The following OPN3 variants were observed in gnomAD, a reference collection of about 807,000 sequenced individuals.
The protein encoded by OPN3 is opsin 3.
Under a neutral mutation model 33.8 loss-of-function variants are expected in OPN3, and 29 were observed. That is an observed-to-expected ratio of 0.86 (90% CI 0.64 to 1.17). OPN3 has a LOEUF of 1.17. OPN3 is among the 50% of genes most tolerant of loss of function. The pLI, the probability that OPN3 is intolerant of heterozygous loss-of-function variation, is 0.00. For synonymous variants in OPN3, 216 were observed against 216.1 expected (o/e 1.00, Z 0.00); for missense variants, 437 against 514.1 (o/e 0.85, Z 1.45).
rs1663766766 is a variant in OPN3, at chr1:241,604,425, C to T, written c.528G>A (p.Trp176Ter). Reference sequence around the variant, plus strand: ...CGTGTACGTCCAGGATGTACCTGTTCCATCCCAGGAGAGGTGCTCCTGCCC... The same window carrying T: ...CGTGTACGTCCAGGATGTACCTGTTTCATCCCAGGAGAGGTGCTCCTGCCC... ...LAWAGAPLLG[W>*]NRYILDVHGL... is the part of the protein sequence containing the mutation. The change falls in exon 2 of 4, where the codon TGG becomes TGA. Residue 176 changes from tryptophan (W) to a stop codon, truncating the protein, a stop_gained. Transcript: ENST00000366554. LOFTEE classifies it high-confidence loss of function. The T allele has an allele frequency of 2.5e-6, 4 of 1,614,040 alleles. No individual in the cohort carries two copies. Among genetic ancestry groups the T allele is most frequent in the South Asian group, 1.1e-5 (1 of 91,084 alleles).
At chr1:241,596,427 A>G (rs1279823047) in intron 3 of OPN3, among the ~76,000 whole-genome samples, 1 of 152,208 alleles carries the variant, frequency 6.6e-6, no homozygotes, top group Non-Finnish European at 1.5e-5. Flanking sequence ...AAATAGACCA[A>G]TTGAAGGCAA....
chr1:241,606,586 T>TAAAA (rs1553354184), intron 1 of OPN3, among the ~76,000 whole-genome samples: 6 of 126,870 alleles, frequency 4.7e-5, no homozygotes, highest in South Asian at 2.7e-4. Context: ...AATAAATAAA[T>TAAAA]AAAATAAATA....
At chr1:241,639,815 G>C (rs2148034457) in intron 1 of OPN3, 67 bp downstream of exon 1, 1 of 1,366,640 alleles carries the variant, frequency 7.3e-7, no homozygotes, top group Non-Finnish European at 9.5e-7. Context: ...CGGACGCACG[G>C]AGCGGGCAGC....
At chr1:241,620,187 A>G (rs951566144) in intron 1 of OPN3, among the ~76,000 whole-genome samples, 1 of 152,224 alleles carries the variant, frequency 6.6e-6, no homozygotes, top group Non-Finnish European at 1.5e-5. Flanking sequence ...GTACATGCCT[A>G]GCAATTTCAG....
intron 1 of OPN3, chr1:241,639,288 C>T (rs1443089502): frequency 6.6e-6 from 1 of 152,212 alleles, no homozygotes; most frequent in Non-Finnish European, 1.5e-5. Context: ...AGGGCACATG[C>T]CAATTTGCAT....
Position 241,604,389 on chromosome 1 carries a change from G to A in OPN3, c.564C>T (p.Cys188=), listed in dbSNP as rs2148000908. The A allele has an allele frequency of 6.2e-7, 1 of 1,614,162 alleles. No individual in the cohort carries two copies. The highest frequency in any genetic ancestry group is 8.5e-7 in the Non-Finnish European group (1 of 1,180,026). ...RYILDVHGLG[C]TVDWKSKDAN... is the part of the protein sequence containing the mutation. Reference sequence around the variant, plus strand: ...CATCCTTGGATTTCCAGTCCACAGTGCAGCCTAGTCCGTGTACGTCCAGGA... The same window carrying A: ...CATCCTTGGATTTCCAGTCCACAGTACAGCCTAGTCCGTGTACGTCCAGGA... Residue 188 remains cysteine (C), a synonymous_variant, in exon 2 of 4, where the codon TGC becomes TGT. Transcript: ENST00000366554.
intron 1 of OPN3, chr1:241,632,725 C>CATTCCTA (rs1664693244): frequency 6.6e-6 from 1 of 152,104 alleles, no homozygotes; most frequent in Non-Finnish European, 1.5e-5. Context: ...TCCTTTGATT[C>CATTCCTA]ATTCCTATCA....
At chr1:241,596,960 G>A (rs1663534839) in intron 3 of OPN3, among the ~76,000 whole-genome samples, 1 of 152,036 alleles carries the variant, frequency 6.6e-6, no homozygotes, top group South Asian at 2.1e-4. Flanking sequence ...GAGTAGCTGC[G>A]ACTAAGGCAC....
At chr1:241,637,635 G>T (rs2756226) in intron 1 of OPN3, among the ~76,000 whole-genome samples, 50,479 of 151,926 alleles carry the variant, frequency 0.33, 8,775 homozygotes, top group East Asian at 0.52. Flanking sequence ...CTAAGATCAG[G>T]CACGTTCTAA....
chr1:241,633,340 T>A (rs1342870128), intron 1 of OPN3: 1 of 164,008 alleles, frequency 6.1e-6, no homozygotes. Context: ...ATGCAAAAGA[T>A]CCACATAATT....
chr1:241,639,748 G>T, intron 1 of OPN3, 134 bp downstream of exon 1: 1 of 886,828 alleles, frequency 1.1e-6, no homozygotes, highest in Non-Finnish European at 1.6e-6. Context: ...GGAGCGGGGC[G>T]GTGTAGGGCG....
intron 1 of OPN3, among the ~76,000 whole-genome samples, chr1:241,636,667 T>C (rs1664909913): frequency 6.6e-6 from 1 of 152,180 alleles, no homozygotes; most frequent in Admixed American, 6.5e-5. Context: ...TTTAGGCTCA[T>C]AATAGCCCTG....
intron 1 of OPN3, among the ~76,000 whole-genome samples, chr1:241,624,547 T>A (rs1664360426): frequency 6.6e-6 from 1 of 152,224 alleles, no homozygotes. Context: ...AATATGGTGG[T>A]TAATTGTGCA....
chr1:241,596,297 A>G (rs1216354461), intron 3 of OPN3, among the ~76,000 whole-genome samples: 1 of 152,236 alleles, frequency 6.6e-6, no homozygotes, highest in Non-Finnish European at 1.5e-5. Context: ...AAAAATTCAT[A>G]TGTGTGCATA....
intron 1 of OPN3, among the ~76,000 whole-genome samples, chr1:241,637,631 T>C (rs1664948390): frequency 6.6e-6 from 1 of 152,070 alleles, no homozygotes; most frequent in African/African-American, 2.4e-5. Flanking sequence ...AGCGCTAAGA[T>C]CAGGCACGTT....
In OPN3 at chr1:241,620,108, G is replaced by C. The variant is rs556278165; in HGVS notation, c.374-15529C>G. ...TACAGGGTGGGGCAGGGTTGGGGGT[G>C]GGGGTGTTAAATAAAGGGGAGGGAC... On this transcript the variant is annotated intron_variant, in intron 1 of 3. Transcript: ENST00000366554. Among the ~76,000 whole-genome samples, 3 of 152,180 alleles carry C rather than the reference G, an allele frequency of 2.0e-5. No homozygotes were observed. The South Asian group carries it at 6.2e-4, about 32-fold the overall frequency.
At chr1:241,634,055 G>A (rs768241726) in intron 1 of OPN3, 1 of 1,612,518 alleles carries the variant, frequency 6.2e-7, no homozygotes, top group Non-Finnish European at 8.5e-7. Flanking sequence ...AACATTGGAA[G>A]GCAAGCCATT....
intron 1 of OPN3, chr1:241,634,644 AG>A: frequency 6.2e-7 from 1 of 1,613,978 alleles, no homozygotes; most frequent in Admixed American, 1.7e-5. Flanking sequence ...GGAAATAAAA[AG>A]GGGGTGTTGC....
intron 2 of OPN3, 138 bp downstream of exon 2, chr1:241,604,122 A>G (rs1663755455): frequency 1.4e-6 from 1 of 701,102 alleles, no homozygotes; most frequent in Non-Finnish European, 2.5e-6. Flanking sequence ...ATAAAATTCA[A>G]CCAGATGGGA....
Sources: gnomAD v4.1 joint callset for allele counts (sites outside exome capture counted in the v4.1 genomes callset) on GRCh38, gnomAD v4.1.1 for gene constraint, MANE v1.5 for transcripts, NCBI Gene and HGNC (gene_info 2026-07-23, HGNC 2026-07-21) for gene names.